The following DHX9 variants were observed in gnomAD, a reference collection of about 807,000 sequenced individuals.
DHX9 encodes ATP-dependent RNA helicase A.
A neutral mutation model predicts 148.7 loss-of-function variants in DHX9; 27 were observed. The observed-to-expected ratio is 0.18, with a 90% CI of 0.13 to 0.25. The LOEUF is 0.25. DHX9 is among the 10% of genes least tolerant of loss of function. The pLI is 1.00. For missense variants in DHX9, 796 were observed against 1,559.6 expected, an observed-to-expected ratio of 0.51 and a Z score of 8.25; for synonymous variants, 529 against 516.6, an observed-to-expected ratio of 1.02 and a Z score of -0.33.
At chr1:182,864,424 A>G (rs1429110280) in intron 12 of DHX9, among the ~76,000 whole-genome samples, 1 of 152,158 alleles carries the variant, frequency 6.6e-6, no homozygotes, top group Non-Finnish European at 1.5e-5. Flanking sequence ...GCTGGGATGA[A>G]CATACTTGTA....
chr1:182,848,372 A>G (rs1012258291), intron 3 of DHX9, among the ~76,000 whole-genome samples: 3 of 152,242 alleles, frequency 2.0e-5, no homozygotes, highest in Non-Finnish European at 4.4e-5. Context: ...AATGACCTAC[A>G]ATGCACTTGA....
In DHX9 at chr1:182,868,950, C is replaced by T. The variant is rs1165756141; in HGVS notation, c.1557+1907C>T. ...TTTGCTCTTTTGTCCTTTATAATCT[C>T]TTGGAAACTTTATAGGTTTTTCCTA... is the stretch of plus-strand genomic sequence containing the variant. On this transcript the variant is annotated intron_variant, in intron 14 of 27. Coordinates refer to ENST00000367549, the MANE Select transcript of DHX9 (RefSeq NM_001357.5). 2.0e-5 allele frequency among the ~76,000 whole-genome samples: 3 copies of T among 152,080 alleles called. No individual in the cohort carries two copies. In the South Asian group the frequency reaches 6.2e-4, roughly 32 times the overall value.
intron 23 of DHX9, 42 bp from the exon 24 acceptor site, chr1:182,881,478 C>G: frequency 6.2e-7 from 1 of 1,608,524 alleles, no homozygotes; most frequent in Non-Finnish European, 8.5e-7. Flanking sequence ...GTATTTAGTT[C>G]TCTGGTCTTA....
chr1:182,867,467 A>T (rs899497651), intron 14 of DHX9, among the ~76,000 whole-genome samples: 1 of 152,092 alleles, frequency 6.6e-6, no homozygotes, highest in Non-Finnish European at 1.5e-5. Flanking sequence ...CAGTGGCGCG[A>T]TCTCAGCTCA....
chr1:182,881,270 A>G lies in DHX9; in HGVS notation c.2631A>G (p.Gly877=). 1 of 1,612,042 alleles carries G rather than the reference A, an allele frequency of 6.2e-7. No individual in the cohort carries two copies. The highest frequency in any genetic ancestry group is 1.3e-5 in the African/African-American group (1 of 74,864). Residue 877 remains glycine, a synonymous_variant, in exon 23 of 28, where the codon GGA becomes GGG. Coordinates refer to ENST00000367549, the MANE Select transcript of DHX9 (RefSeq NM_001357.5). ...CTGTCTTTGTGTATTTCAGCGTGGG[A>G]GATGCTATCTGTACCATTGCTGCTG... ...MMIMGCIFYV[G]DAICTIAAAT... is the part of the protein sequence containing the mutation.
At chr1:182,869,285 T>C (rs928663690) in intron 14 of DHX9, among the ~76,000 whole-genome samples, 3 of 152,158 alleles carry the variant, frequency 2.0e-5, no homozygotes, top group African/African-American at 4.8e-5. Flanking sequence ...ACCGGTCTTA[T>C]CCGGTTCGGC....
At position 182,860,206 on chromosome 1, in the gene DHX9, A is replaced by G; in HGVS notation, c.1332+22A>G. ...TCAGGTAAGTGGTAAACCAACCATG[A>G]AATACCTAGAGAGCAGACTATTTCT... On this transcript the variant is annotated intron_variant, in intron 12 of 27. Transcript: ENST00000367549. 3 of 1,543,414 alleles carry G rather than the reference A, an allele frequency of 1.9e-6. No individual in the cohort carries two copies. In the South Asian group the frequency reaches 3.7e-5, roughly 19 times the overall value.
At chr1:182,842,722 T>G (rs1667954215) in intron 2 of DHX9, 45 bp downstream of exon 2, 1 of 1,479,042 alleles carries the variant, frequency 6.8e-7, no homozygotes, top group African/African-American at 1.4e-5. Context: ...ATGAGGTTCA[T>G]TTTGGGGTTA....
chr1:182,858,722 T>C lies in DHX9; in HGVS notation c.901-11T>C, dbSNP rs571185191. 5 of 1,613,358 alleles carry C rather than the reference T, an allele frequency of 3.1e-6. No homozygotes were observed. The African/African-American group carries it at 4.0e-5, about 13-fold the overall frequency. ...TCATATTTTTTGTTTGTTTTTCTTA[T>C]TTTTTAATAGCCTGAAGATCCTTCT... On this transcript the variant is annotated splice_polypyrimidine_tract_variant and intron_variant, in intron 9 of 27. Coordinates refer to ENST00000367549, the MANE Select transcript of DHX9 (RefSeq NM_001357.5).
chr1:182,850,417 C>T (rs1375069193), intron 3 of DHX9, among the ~76,000 whole-genome samples: 1 of 151,654 alleles, frequency 6.6e-6, no homozygotes, highest in Non-Finnish European at 1.5e-5. Flanking sequence ...CAACATAGAC[C>T]CCATCTCTAC....
At chr1:182,882,377 C>T (rs974550664) in intron 24 of DHX9, among the ~76,000 whole-genome samples, 1 of 152,222 alleles carries the variant, frequency 6.6e-6, no homozygotes. Context: ...GACTGTCATG[C>T]TTTCCAGTCA....
intron 16 of DHX9, chr1:182,875,280 A>C: frequency 2.3e-6 from 1 of 443,202 alleles, no homozygotes; most frequent in Non-Finnish European, 4.5e-6. Context: ...AGTAGGCTGC[A>C]GCATCTGGGA....
At chr1:182,872,835 A>G (rs534133214) in intron 15 of DHX9, among the ~76,000 whole-genome samples, 3 of 152,350 alleles carry the variant, frequency 2.0e-5, no homozygotes, top group Admixed American at 6.5e-5. Flanking sequence ...TACTGTTAAA[A>G]GTTTAAGCAG....
intron 16 of DHX9, among the ~76,000 whole-genome samples, chr1:182,875,449 G>A (rs1173603270): frequency 6.6e-6 from 1 of 152,180 alleles, no homozygotes; most frequent in Non-Finnish European, 1.5e-5. Flanking sequence ...TTATCAGGTG[G>A]ACAGAGTATT....
At chr1:182,876,738 T>C in intron 18 of DHX9, 92 bp from the exon 19 acceptor site, 1 of 1,031,926 alleles carries the variant, frequency 9.7e-7, no homozygotes, top group South Asian at 1.5e-5. Flanking sequence ...CTTCTGTAAT[T>C]TTCTTGTCAT....
At chr1:182,842,993 A>G (rs193233597) in intron 2 of DHX9, among the ~76,000 whole-genome samples, 159 of 152,352 alleles carry the variant, frequency 1.0e-3, no homozygotes, top group Non-Finnish European at 4.7e-4. Flanking sequence ...TGATTGCTTC[A>G]AATCAAAGTG....
intron 12 of DHX9, among the ~76,000 whole-genome samples, chr1:182,863,473 A>C (rs1648085215): frequency 6.6e-6 from 1 of 152,224 alleles, no homozygotes; most frequent in African/African-American, 2.4e-5. Flanking sequence ...TTTATATTTG[A>C]GTAATATAGA....
chr1:182,876,611 A>G (rs1235650110), intron 18 of DHX9, 70 bp downstream of exon 18: 42 of 1,417,832 alleles, frequency 3.0e-5, no homozygotes, highest in Non-Finnish European at 4.0e-5. Flanking sequence ...ACAGGCTTTC[A>G]AAGAGCTACC....
At chr1:182,861,845 G>C (rs796817607) in intron 12 of DHX9, among the ~76,000 whole-genome samples, 1 of 152,124 alleles carries the variant, frequency 6.6e-6, no homozygotes, top group Admixed American at 6.5e-5. Flanking sequence ...CCTCTTACCT[G>C]TAACAAGTCT....
Sources: allele counts gnomAD v4.1 joint callset (sites outside exome capture counted in the v4.1 genomes callset), GRCh38; gene constraint gnomAD v4.1.1; transcripts MANE v1.5; gene names NCBI Gene and HGNC (gene_info 2026-07-23, HGNC 2026-07-21).